DLG2: variants seen among roughly 807,000 people sequenced by gnomAD.
DLG2 encodes the protein discs large MAGUK scaffold protein 2, also known as disks large homolog 2.
DLG2 carries 45 observed loss-of-function variants against 132.5 expected under a neutral mutation model. That is an observed-to-expected ratio of 0.34 (90% CI 0.27 to 0.44). The LOEUF (loss-of-function observed/expected upper bound fraction) is 0.44. Ranked by LOEUF, DLG2 falls within the 20% of genes least tolerant of loss-of-function variation. The pLI, the probability that DLG2 is intolerant of heterozygous loss-of-function variation, is 1.00. For missense variants in DLG2, 1,045 were observed against 1,196.9 expected (o/e 0.87, Z 1.87); for synonymous variants, 424 against 419.6 (o/e 1.01, Z -0.13).
intron 11 of DLG2, among the ~76,000 whole-genome samples, chr11:83,991,440 T>C (rs2093702966): frequency 6.6e-6 from 1 of 152,224 alleles, no homozygotes; most frequent in Admixed American, 6.6e-5. Context: ...ACCTATCCTT[T>C]CTGCTTTCCC....
At chr11:85,324,958 G>C (rs554713785) in intron 3 of DLG2, among the ~76,000 whole-genome samples, 1 of 147,750 alleles carries the variant, frequency 6.8e-6, no homozygotes, top group Non-Finnish European at 1.5e-5. Context: ...TGCCTCACCT[G>C]GGAAGCGCAA....
chr11:84,318,430 A>G (rs2098381531), intron 7 of DLG2, among the ~76,000 whole-genome samples: 2 of 152,236 alleles, frequency 1.3e-5, no homozygotes, highest in African/African-American at 4.8e-5. Flanking sequence ...CAAAGATTAT[A>G]TAATCCTATG....
intron 6 of DLG2, among the ~76,000 whole-genome samples, chr11:85,014,219 T>C (rs1162150404): frequency 6.6e-6 from 1 of 152,216 alleles, no homozygotes. Flanking sequence ...AGCCTTAATT[T>C]CTACTTGTGT....
intron 6 of DLG2, among the ~76,000 whole-genome samples, chr11:85,036,630 A>G (rs540537920): frequency 1.1e-3 from 162 of 152,328 alleles, no homozygotes; most frequent in African/African-American, 3.7e-3. Context: ...AGTTCTATAA[A>G]TATTACCATG....
rs71036417 is a variant in DLG2 at position 84,271,949 on chromosome 11, C to CAAAA, written c.520-20662_520-20659dup. On this transcript the variant is annotated intron_variant, in intron 7 of 27. Coordinates refer to ENST00000376104, the MANE Select transcript of DLG2 (RefSeq NM_001142699.3). ...AAGGAATATCACACTTTGATAATAACAAAAAAAAAAAAAAAAAAAAAAAGG... is the reference window on the plus strand; with the variant it reads ...AAGGAATATCACACTTTGATAATAACAAAAAAAAAAAAAAAAAAAAAAAAAAAGG... Among the ~76,000 whole-genome samples, 147 of 77,774 alleles carry CAAAA rather than the reference C, an allele frequency of 1.9e-3. 1 individual carries two copies. Among genetic ancestry groups the CAAAA allele is most frequent in the South Asian group, 5.6e-3 (12 of 2,150 alleles). The allele number at this position is 77,774 out of a possible 152,430, so 51.0% of individuals were successfully genotyped here.
chr11:83,736,959 T>C (rs543693127), intron 18 of DLG2, among the ~76,000 whole-genome samples: 138 of 152,336 alleles, frequency 9.1e-4, no homozygotes, highest in Non-Finnish European at 1.8e-3. Context: ...CCAAGATATC[T>C]ACACAATCTG....
intron 6 of DLG2, among the ~76,000 whole-genome samples, chr11:84,963,290 C>A (rs12803665): frequency 6.6e-6 from 1 of 152,244 alleles, no homozygotes; most frequent in East Asian, 1.9e-4. Flanking sequence ...AGCATTCAGT[C>A]ACAGAATCAA....
intron 9 of DLG2, among the ~76,000 whole-genome samples, chr11:84,161,599 TTC>T (rs916507818): frequency 1.7e-4 from 26 of 152,252 alleles, no homozygotes; most frequent in Non-Finnish European, 2.9e-4. Context: ...CTATTGAGTG[TTC>T]TCTCTCATAC....
At chr11:84,595,548 A>G (rs12284979) in intron 6 of DLG2, among the ~76,000 whole-genome samples, 25,328 of 151,916 alleles carry the variant, frequency 0.17, 2,417 homozygotes, top group African/African-American at 0.27. Flanking sequence ...TGAACCTTGT[A>G]TGAGATCCAG....
chr11:84,497,828 C>G (rs1024892529), intron 7 of DLG2, among the ~76,000 whole-genome samples: 7 of 152,152 alleles, frequency 4.6e-5, no homozygotes, highest in Admixed American at 4.6e-4. Context: ...TGGCACAGAT[C>G]CGCATTACCT....
intron 19 of DLG2, among the ~76,000 whole-genome samples, chr11:83,579,451 C>G (rs1369707586): frequency 6.6e-6 from 1 of 152,142 alleles, no homozygotes; most frequent in Admixed American, 6.6e-5. Flanking sequence ...CGCCACATTC[C>G]TGTGACTGTA....
intron 6 of DLG2, among the ~76,000 whole-genome samples, chr11:84,741,941 T>G (rs2064736085): frequency 6.6e-6 from 1 of 151,964 alleles, no homozygotes; most frequent in African/African-American, 2.4e-5. Context: ...ATTTTAGGAT[T>G]TGAATGAGAA....
intron 3 of DLG2, among the ~76,000 whole-genome samples, chr11:85,546,702 T>C (rs1043097273): frequency 9.2e-5 from 14 of 152,104 alleles, no homozygotes; most frequent in Non-Finnish European, 1.9e-4. Context: ...ATATTTAGGA[T>C]AGTTAGCTCT....
intron 3 of DLG2, among the ~76,000 whole-genome samples, chr11:85,538,099 G>C (rs1460081388): frequency 6.6e-6 from 1 of 151,812 alleles, no homozygotes; most frequent in Non-Finnish European, 1.5e-5. Context: ...CTGGGTGACA[G>C]AGCGAGACTC....
intron 7 of DLG2, among the ~76,000 whole-genome samples, chr11:84,322,434 GC>G (rs2098409818): frequency 6.6e-6 from 1 of 152,118 alleles, no homozygotes; most frequent in Admixed American, 6.5e-5. Context: ...TTTCTCTCAA[GC>G]TTTTTCAAGA....
At chr11:84,591,250 TGTGTGTGC>T (rs889304998) in intron 6 of DLG2, among the ~76,000 whole-genome samples, 2 of 151,302 alleles carry the variant, frequency 1.3e-5, no homozygotes, top group African/African-American at 4.9e-5. Flanking sequence ...TGTGTGTGTG[TGTGTGTGC>T]GCGTCTTTCT....
intron 4 of DLG2, among the ~76,000 whole-genome samples, chr11:85,162,813 G>T (rs1376454666): frequency 6.6e-6 from 1 of 152,122 alleles, no homozygotes; most frequent in Non-Finnish European, 1.5e-5. Context: ...TTGACAAGGG[G>T]TGGACTTGTG....
At chr11:85,225,543 C>T (rs2074922896) in intron 4 of DLG2, among the ~76,000 whole-genome samples, 1 of 152,058 alleles carries the variant, frequency 6.6e-6, no homozygotes, top group South Asian at 2.1e-4. Context: ...TTCTCTTATG[C>T]TTCTGGTCCC....
intron 7 of DLG2, among the ~76,000 whole-genome samples, chr11:84,352,889 G>A (rs1220249489): frequency 1.3e-5 from 2 of 152,132 alleles, no homozygotes; most frequent in Non-Finnish European, 2.9e-5. Flanking sequence ...CTCAGGGACA[G>A]CTAAAGAGAA....
Sources: gnomAD v4.1 joint callset for allele counts (sites outside exome capture counted in the v4.1 genomes callset) on GRCh38, gnomAD v4.1.1 for gene constraint, MANE v1.5 for transcripts, NCBI Gene and HGNC (gene_info 2026-07-23, HGNC 2026-07-21) for gene names.